CACNA2D3: variants seen among roughly 807,000 people sequenced by gnomAD.
The protein encoded by CACNA2D3 is calcium voltage-gated channel auxiliary subunit alpha2delta 3.
A neutral mutation model predicts 160.6 loss-of-function variants in CACNA2D3; 60 were observed. That is an observed-to-expected ratio of 0.37 (90% CI 0.30 to 0.46). CACNA2D3 has a LOEUF of 0.46. Ranked by LOEUF, CACNA2D3 falls within the 20% of genes least tolerant of loss-of-function variation. The pLI is 1.00. For synonymous variants in CACNA2D3, 558 were observed against 492.9 expected (o/e 1.13, Z -1.75); for missense variants, 1,205 against 1,365.0 (o/e 0.88, Z 1.85).
intron 11 of CACNA2D3, among the ~76,000 whole-genome samples, chr3:54,746,674 A>G (rs890385181): frequency 1.3e-5 from 2 of 152,212 alleles, no homozygotes; most frequent in African/African-American, 4.8e-5. Context: ...GAAGGAATGG[A>G]TTTGTAGTTA....
chr3:54,199,131 A>C (rs1272690823), intron 2 of CACNA2D3, among the ~76,000 whole-genome samples: 1 of 152,150 alleles, frequency 6.6e-6, no homozygotes, highest in African/African-American at 2.4e-5. Context: ...TTTTCTTTCA[A>C]CAATTTTTAT....
At chr3:54,670,570 A>T (rs1700141621) in intron 11 of CACNA2D3, among the ~76,000 whole-genome samples, 1 of 152,186 alleles carries the variant, frequency 6.6e-6, no homozygotes, top group South Asian at 2.1e-4. Context: ...CCCAGGTAGC[A>T]GGAGTGAGGG....
chr3:54,786,553 T>G (rs939436018), intron 13 of CACNA2D3, among the ~76,000 whole-genome samples: 16 of 152,218 alleles, frequency 1.1e-4, no homozygotes, highest in Admixed American at 9.2e-4. Context: ...CAGGACTGAA[T>G]CATGCCCAAG....
At chr3:54,201,118 G>A (rs372186035) in intron 2 of CACNA2D3, among the ~76,000 whole-genome samples, 1 of 152,172 alleles carries the variant, frequency 6.6e-6, no homozygotes, top group South Asian at 2.1e-4. Flanking sequence ...ACAGCAAAAC[G>A]AATGTGAAAT....
intron 5 of CACNA2D3, among the ~76,000 whole-genome samples, chr3:54,524,449 T>G (rs149181820): frequency 6.6e-6 from 1 of 152,224 alleles, no homozygotes; most frequent in Admixed American, 6.5e-5. Flanking sequence ...ATGTCCCACG[T>G]GCACGTGAGA....
chr3:54,700,464 GT>G, intron 11 of CACNA2D3, among the ~76,000 whole-genome samples: 1 of 152,122 alleles, frequency 6.6e-6, no homozygotes, highest in East Asian at 1.9e-4. Flanking sequence ...AATTTCAAGT[GT>G]TTTAATAATC....
chr3:54,648,401 C>T (rs1699695268), intron 11 of CACNA2D3, among the ~76,000 whole-genome samples: 1 of 152,116 alleles, frequency 6.6e-6, no homozygotes, highest in Non-Finnish European at 1.5e-5. Context: ...ACCAGATGGC[C>T]CGTGAAGCCT....
At chr3:54,461,472 C>G (rs1420037337) in intron 4 of CACNA2D3, among the ~76,000 whole-genome samples, 1 of 151,320 alleles carries the variant, frequency 6.6e-6, no homozygotes, top group Non-Finnish European at 1.5e-5. Context: ...TTGGTCTATT[C>G]AGAGATTCAA....
At chr3:54,240,173 C>T (rs2107406336) in intron 2 of CACNA2D3, among the ~76,000 whole-genome samples, 1 of 152,212 alleles carries the variant, frequency 6.6e-6, no homozygotes, top group Non-Finnish European at 1.5e-5. Context: ...CCCATCAAGA[C>T]AGGAGAAAAG....
intron 11 of CACNA2D3, among the ~76,000 whole-genome samples, chr3:54,717,702 GGT>G (rs1405620755): frequency 2.7e-5 from 4 of 145,596 alleles, no homozygotes; most frequent in East Asian, 2.1e-4. Context: ...GCGTGTGTGT[GGT>G]GTGTGCATGT....
At chr3:54,374,227 G>C (rs1359652792) in intron 3 of CACNA2D3, among the ~76,000 whole-genome samples, 3 of 152,180 alleles carry the variant, frequency 2.0e-5, no homozygotes. Context: ...AACGATCTCC[G>C]GTGTCTGCAG....
intron 31 of CACNA2D3, among the ~76,000 whole-genome samples, chr3:55,002,214 C>G (rs79907370): frequency 0.021 from 3,161 of 151,790 alleles, 104 homozygotes; most frequent in African/African-American, 0.071. Context: ...ACTTTTGAAA[C>G]CATGGCCATC....
At chr3:54,637,045 G>A (rs1373792740) in intron 10 of CACNA2D3, among the ~76,000 whole-genome samples, 4 of 151,922 alleles carry the variant, frequency 2.6e-5, no homozygotes, top group South Asian at 4.1e-4. Flanking sequence ...TTGGCACCAC[G>A]GGGTGGATAG....
At chr3:54,807,946 A>G (rs1327474804) in intron 13 of CACNA2D3, among the ~76,000 whole-genome samples, 3 of 148,388 alleles carry the variant, frequency 2.0e-5, no homozygotes, top group East Asian at 2.0e-4. Flanking sequence ...TCAGTAAACT[A>G]TCACAAGAAC....
At chr3:54,927,979 G>T in intron 27 of CACNA2D3, 1 of 1,479,842 alleles carries the variant, frequency 6.8e-7, no homozygotes, top group Non-Finnish European at 9.4e-7. Flanking sequence ...AGCAACACAC[G>T]AAGGGCATGG....
At chr3:54,554,868 CTCT>C (rs548538996) in intron 5 of CACNA2D3, among the ~76,000 whole-genome samples, 15 of 88,170 alleles carry the variant, frequency 1.7e-4, no homozygotes, top group African/African-American at 7.6e-4. Flanking sequence ...CTCTCTCACT[CTCT>C]TTTTTTTTTT....
At chr3:54,642,316 G>GGCAC in intron 11 of CACNA2D3, 75 bp downstream of exon 11, 1 of 805,728 alleles carries the variant, frequency 1.2e-6, no homozygotes, top group Non-Finnish European at 2.0e-6. Context: ...TTGTCCATGA[G>GGCAC]TAAGTGCCTC....
At chr3:54,537,812 T>G (rs1350188846) in intron 5 of CACNA2D3, among the ~76,000 whole-genome samples, 2 of 152,152 alleles carry the variant, frequency 1.3e-5, no homozygotes, top group Admixed American at 6.5e-5. Context: ...TACCAGCGGC[T>G]CACTCCGGAC....
intron 12 of CACNA2D3, 48 bp downstream of exon 12, chr3:54,752,725 TGCAGAATTA>T: frequency 7.5e-7 from 1 of 1,332,206 alleles, no homozygotes; most frequent in Non-Finnish European, 1.1e-6. Context: ...CACCTACTTG[TGCAGAATTA>T]GGAATATTCA....
Sources: gnomAD v4.1 joint callset for allele counts (sites outside exome capture counted in the v4.1 genomes callset) on GRCh38, gnomAD v4.1.1 for gene constraint, MANE v1.5 for transcripts, NCBI Gene and HGNC (gene_info 2026-07-23, HGNC 2026-07-21) for gene names.